The following ROBO2 variants were observed in gnomAD, a reference collection of about 807,000 sequenced individuals.
ROBO2 encodes roundabout homolog 2.
In ROBO2, 53 loss-of-function variants were observed where a neutral mutation model predicts 160.8. The observed-to-expected ratio is 0.33, with a 90% confidence interval of 0.26 to 0.41. The LOEUF (loss-of-function observed/expected upper bound fraction) is 0.41, where lower values mean the gene tolerates loss of function less well. Ranked by LOEUF, ROBO2 falls within the 10% of genes least tolerant of loss-of-function variation. The pLI, the probability that ROBO2 is intolerant of heterozygous loss-of-function variation, is 1.00. For synonymous variants in ROBO2, 664 were observed against 611.7 expected (o/e 1.09, Z -1.26); for missense variants, 1,577 against 1,722.4 (o/e 0.92, Z 1.49).
At chr3:77,574,693 G>A in exon 14 of ROBO2, 1 of 1,613,114 alleles carries the variant, frequency 6.2e-7, no homozygotes, top group Non-Finnish European at 8.5e-7. Flanking sequence ...TCCAAGGAAT[G>A]GATAGTGAAT....
chr3:77,195,190 A>G (rs1039544726), intron 2 of ROBO2, among the ~76,000 whole-genome samples: 9 of 152,134 alleles, frequency 5.9e-5, no homozygotes, highest in African/African-American at 2.2e-4. Flanking sequence ...TTTCCCCGTT[A>G]AATTTGCCAT....
intron 2 of ROBO2, among the ~76,000 whole-genome samples, chr3:77,156,524 G>T (rs2078023198): frequency 6.6e-6 from 1 of 151,872 alleles, no homozygotes; most frequent in African/African-American, 2.4e-5. Flanking sequence ...AATTCAGTGG[G>T]AGGAACATTT....
intron 2 of ROBO2, among the ~76,000 whole-genome samples, chr3:76,568,463 ATTTTT>A (rs56210601): frequency 7.0e-6 from 1 of 143,114 alleles, no homozygotes; most frequent in Admixed American, 6.9e-5. Context: ...CGCCCAGATA[ATTTTT>A]TTTTTTTTTT....
At chr3:77,102,122 C>T (rs1044961967) in intron 2 of ROBO2, among the ~76,000 whole-genome samples, 1 of 152,164 alleles carries the variant, frequency 6.6e-6, no homozygotes, top group Non-Finnish European at 1.5e-5. Flanking sequence ...TACCTGTGGG[C>T]TCCAGTGATG....
chr3:76,601,602 G>A (rs1327422399), intron 2 of ROBO2, among the ~76,000 whole-genome samples: 2 of 152,154 alleles, frequency 1.3e-5, no homozygotes, highest in Non-Finnish European at 2.9e-5. Context: ...GGCCGGAGTG[G>A]CTGGAACACA....
chr3:76,992,972 C>T (rs762142497), intron 2 of ROBO2, among the ~76,000 whole-genome samples: 16 of 151,986 alleles, frequency 1.1e-4, no homozygotes, highest in Non-Finnish European at 1.9e-4. Flanking sequence ...CACTCACCAT[C>T]GCGCCTGGAC....
At chr3:77,378,008 C>T (rs1304435793) in intron 2 of ROBO2, among the ~76,000 whole-genome samples, 2 of 152,108 alleles carry the variant, frequency 1.3e-5, no homozygotes, top group Non-Finnish European at 2.9e-5. Flanking sequence ...TAGGTCATGT[C>T]TATATTTACT....
At chr3:77,632,501 C>T (rs1227590967) in intron 23 of ROBO2, 2 of 1,534,818 alleles carry the variant, frequency 1.3e-6, no homozygotes, top group Admixed American at 2.0e-5. Flanking sequence ...TGGGGCTCTG[C>T]ATCTGATGAG....
chr3:75,997,813 T>G (rs1475954471), intron 2 of ROBO2, among the ~76,000 whole-genome samples: 1 of 152,142 alleles, frequency 6.6e-6, no homozygotes, highest in Non-Finnish European at 1.5e-5. Context: ...TTTCACTTAG[T>G]TTATTCAGTG....
chr3:77,342,842 G>C (rs972924884), intron 2 of ROBO2, among the ~76,000 whole-genome samples: 6 of 152,110 alleles, frequency 3.9e-5, no homozygotes, highest in Non-Finnish European at 1.5e-5. Context: ...CTCTTATTGT[G>C]GTTTAAAGTG....
chr3:76,147,084 TAAC>T (rs1441909424), intron 2 of ROBO2, among the ~76,000 whole-genome samples: 1 of 150,510 alleles, frequency 6.6e-6, no homozygotes, highest in Non-Finnish European at 1.5e-5. Flanking sequence ...TTTACCCTAA[TAAC>T]AAACCTGCAC....
At chr3:77,305,109 AT>A (rs2062987855) in intron 2 of ROBO2, among the ~76,000 whole-genome samples, 1 of 152,196 alleles carries the variant, frequency 6.6e-6, no homozygotes, top group African/African-American at 2.4e-5. Flanking sequence ...GTACAATTGT[AT>A]TTGAAAAGTT....
At chr3:77,293,353 A>G (rs542166664) in intron 2 of ROBO2, among the ~76,000 whole-genome samples, 1 of 151,746 alleles carries the variant, frequency 6.6e-6, no homozygotes, top group Non-Finnish European at 1.5e-5. Context: ...ATAAAGTAAA[A>G]TTGACGATTA....
At chr3:77,223,528 C>T (rs1458064796) in intron 2 of ROBO2, among the ~76,000 whole-genome samples, 3 of 152,074 alleles carry the variant, frequency 2.0e-5, no homozygotes, top group Admixed American at 6.5e-5. Flanking sequence ...CCATATTCAC[C>T]TACTCTGTTC....
intron 2 of ROBO2, among the ~76,000 whole-genome samples, chr3:76,551,038 C>T (rs543052622): frequency 4.6e-5 from 7 of 152,042 alleles, no homozygotes; most frequent in African/African-American, 9.6e-5. Context: ...CTAGGAGTCT[C>T]GGGGGCGAGC....
chr3:76,065,581 TATA>T (rs1181496779), intron 2 of ROBO2, among the ~76,000 whole-genome samples: 2 of 151,848 alleles, frequency 1.3e-5, no homozygotes, highest in East Asian at 3.9e-4. Flanking sequence ...AAATTTCCCT[TATA>T]ATAACCTTTC....
intron 2 of ROBO2, among the ~76,000 whole-genome samples, chr3:76,827,682 C>G (rs2066706560): frequency 6.6e-6 from 1 of 152,110 alleles, no homozygotes; most frequent in African/African-American, 2.4e-5. Flanking sequence ...CAAGGATTTT[C>G]TCTAGCTAGT....
chr3:76,503,366 C>T (rs1301777235), intron 2 of ROBO2, among the ~76,000 whole-genome samples: 1 of 152,042 alleles, frequency 6.6e-6, no homozygotes, highest in Non-Finnish European at 1.5e-5. Context: ...CTGAAACACC[C>T]AGAATTAATA....
intron 2 of ROBO2, among the ~76,000 whole-genome samples, chr3:76,086,462 T>C (rs2069016062): frequency 6.6e-6 from 1 of 152,060 alleles, no homozygotes; most frequent in African/African-American, 2.4e-5. Context: ...TGTCATCCTA[T>C]GTCACCCAAT....
Sources: allele counts gnomAD v4.1 joint callset (sites outside exome capture counted in the v4.1 genomes callset), GRCh38; gene constraint gnomAD v4.1.1; transcripts MANE v1.5; gene names NCBI Gene and HGNC (gene_info 2026-07-23, HGNC 2026-07-21).